Variants in PCDH9 observed in about 807,000 individuals in gnomAD.
PCDH9 encodes the protein protocadherin 9.
A neutral mutation model predicts 70.6 loss-of-function variants in PCDH9; 24 were observed. That is an observed-to-expected ratio of 0.34 (90% CI 0.25 to 0.48). The LOEUF is 0.48. PCDH9 is among the 20% of genes least tolerant of loss of function. The pLI, the probability that PCDH9 is intolerant of heterozygous loss-of-function variation, is 0.99. For synonymous variants in PCDH9, 562 were observed against 558.5 expected (o/e 1.01, Z -0.09); for missense variants, 1,281 against 1,503.6 (o/e 0.85, Z 2.45).
At position 67,226,167 on chromosome 13, in the gene PCDH9, C is replaced by T. The variant is rs1179574495; in HGVS notation, c.2274G>A (p.Leu758=). The change falls in exon 2 of 5, where the codon CTG becomes CTA. Residue 758 remains leucine (L), a synonymous_variant. Transcript: ENST00000377865. The surrounding 1 kb of genome is among the most constrained non-coding windows in gnomAD (Gnocchi z 5.0). ...LHRLVVNISD[L]GYPKSLHTLV... is the part of the protein sequence containing the mutation. ...GCGTGTGCAAAGACTTAGGGTACCCCAGGTCACTTATGTTGACCACCAAAC... is the reference window on the plus strand; with the variant it reads ...GCGTGTGCAAAGACTTAGGGTACCCTAGGTCACTTATGTTGACCACCAAAC... 25 of 1,614,140 alleles carry T rather than the reference C, an allele frequency of 1.5e-5. No individual in the cohort carries two copies. Among genetic ancestry groups the T allele is most frequent in the Non-Finnish European group, 2.1e-5 (25 of 1,180,008 alleles).
intron 3 of PCDH9, among the ~76,000 whole-genome samples, chr13:66,848,717 A>G (rs578152978): frequency 2.6e-5 from 4 of 152,088 alleles, no homozygotes; most frequent in Non-Finnish European, 5.9e-5. Context: ...TCACGAGGTC[A>G]TGAGAGCGAG....
chr13:66,684,843 C>T (rs2078377610), intron 3 of PCDH9, among the ~76,000 whole-genome samples: 1 of 152,014 alleles, frequency 6.6e-6, no homozygotes, highest in African/African-American at 2.4e-5. Context: ...GAGGATGGAA[C>T]AGTTTGCAGG....
chr13:67,063,322 T>C (rs1003495181), intron 2 of PCDH9, among the ~76,000 whole-genome samples: 1 of 152,050 alleles, frequency 6.6e-6, no homozygotes, highest in Admixed American at 6.6e-5. Context: ...AGGGACCATC[T>C]ACCACAAAAA....
rs145127654 is a variant in PCDH9, at chr13:66,629,694, A to C, written c.3340+1516T>G. ...AAGGTATAGGACATGAAATAACAAA[A>C]CCAGAGCTGGCAGGGAGCTTAGATA... On this transcript the variant is annotated intron_variant, in intron 4 of 4. Transcript: ENST00000377865. Among the ~76,000 whole-genome samples, 637 of 152,288 alleles carry C rather than the reference A, an allele frequency of 4.2e-3. 20 individuals are homozygous for C. The East Asian group carries it at 0.081, about 19-fold the overall frequency.
chr13:66,857,224 G>C (rs1000639941), intron 3 of PCDH9, among the ~76,000 whole-genome samples: 2 of 152,110 alleles, frequency 1.3e-5, no homozygotes, highest in African/African-American at 4.8e-5. Context: ...TCTTTGAAGA[G>C]GTCAGAGGCT....
intron 4 of PCDH9, among the ~76,000 whole-genome samples, chr13:66,403,106 G>T (rs895483125): frequency 2.6e-5 from 4 of 151,500 alleles, no homozygotes; most frequent in Non-Finnish European, 5.9e-5. Flanking sequence ...AAAAAAAAAG[G>T]CTCCTAAAGC....
intron 4 of PCDH9, among the ~76,000 whole-genome samples, chr13:66,326,414 C>A (rs958488747): frequency 7.1e-5 from 10 of 141,586 alleles, no homozygotes; most frequent in African/African-American, 2.2e-4. Context: ...AAAAAAAAAA[C>A]AACGAAAACA....
intron 3 of PCDH9, among the ~76,000 whole-genome samples, chr13:66,638,604 TAAC>T (rs2077670635): frequency 1.3e-5 from 2 of 152,236 alleles, no homozygotes; most frequent in East Asian, 1.9e-4. Flanking sequence ...ACAAAAATAT[TAAC>T]AACCTCAAAT....
chr13:66,719,548 C>T (rs1410142354), intron 3 of PCDH9, among the ~76,000 whole-genome samples: 1 of 152,130 alleles, frequency 6.6e-6, no homozygotes, highest in African/African-American at 2.4e-5. Context: ...TGATCTTAGA[C>T]TTCCTGTCTG....
Position 66,738,137 on chromosome 13 carries a change from G to A in PCDH9, c.3139-106726C>T, listed in dbSNP as rs892339626. On this transcript the variant is annotated intron_variant, in intron 3 of 4. Coordinates refer to ENST00000377865, the MANE Select transcript of PCDH9 (RefSeq NM_203487.3). ...GCAGTGGTTCTCCCAGCACGCAGCT[G>A]GAGATCTGAGAACGGGCAGACGGCC... Among the ~76,000 whole-genome samples the A allele has an allele frequency of 2.6e-5, 4 of 152,162 alleles. No homozygotes were observed. In the East Asian group the frequency reaches 5.8e-4, roughly 22 times the overall value.
chr13:67,128,226 G>A (rs1194003907), intron 2 of PCDH9, among the ~76,000 whole-genome samples: 1 of 152,126 alleles, frequency 6.6e-6, no homozygotes, highest in Non-Finnish European at 1.5e-5. Flanking sequence ...CAATTCTCCT[G>A]GAGAAAATGT....
chr13:66,545,286 G>A (rs1334622173), intron 4 of PCDH9, among the ~76,000 whole-genome samples: 1 of 152,082 alleles, frequency 6.6e-6, no homozygotes, highest in Non-Finnish European at 1.5e-5. Context: ...TATACTAAGT[G>A]AGCCAGAATA....
At chr13:66,655,628 CAAAT>C (rs747777958) in intron 3 of PCDH9, among the ~76,000 whole-genome samples, 1 of 151,900 alleles carries the variant, frequency 6.6e-6, no homozygotes, top group Non-Finnish European at 1.5e-5. Context: ...AGTGTTAAGA[CAAAT>C]AAGGCTTAGC....
At chr13:66,853,049 T>C (rs1338122352) in intron 3 of PCDH9, among the ~76,000 whole-genome samples, 2 of 151,970 alleles carry the variant, frequency 1.3e-5, no homozygotes, top group Admixed American at 1.3e-4. Context: ...ATACTCTAAT[T>C]ATTGATGTAA....
intron 4 of PCDH9, among the ~76,000 whole-genome samples, chr13:66,358,419 A>C (rs1236626413): frequency 6.6e-6 from 1 of 152,024 alleles, no homozygotes; most frequent in African/African-American, 2.4e-5. Context: ...AAATCTCGCT[A>C]TATGAGGTAT....
At chr13:67,019,188 C>CTTTTTTTTTT (rs60154161) in intron 2 of PCDH9, among the ~76,000 whole-genome samples, 2 of 102,726 alleles carry the variant, frequency 1.9e-5, no homozygotes, top group Non-Finnish European at 3.6e-5. Context: ...GGCAGTTGCT[C>CTTTTTTTTTT]TTTTTTTTTT....
intron 2 of PCDH9, among the ~76,000 whole-genome samples, chr13:66,911,705 T>C (rs1271023104): frequency 6.6e-6 from 1 of 152,162 alleles, no homozygotes; most frequent in Non-Finnish European, 1.5e-5. Flanking sequence ...CAATAATGCA[T>C]TGAAAGGTTT....
intron 3 of PCDH9, among the ~76,000 whole-genome samples, chr13:66,851,020 T>G (rs749761436): frequency 1.3e-5 from 2 of 152,226 alleles, no homozygotes; most frequent in Non-Finnish European, 2.9e-5. Context: ...AAAGAAATGT[T>G]GAATTAAACC....
rs1594492294 is a variant in PCDH9, at chr13:67,087,108, A to C, written c.3036+138297T>G. Among the ~76,000 whole-genome samples, 3 of 151,694 alleles carry C rather than the reference A, an allele frequency of 2.0e-5. No homozygotes were observed. In the South Asian group the frequency reaches 6.2e-4, roughly 32 times the overall value. Reference sequence around the variant, plus strand: ...TTTGTAAAAAAAAAAAAAAAAAAAAAAATTAAAGGATACAGAACAGTTGTA... The same window carrying C: ...TTTGTAAAAAAAAAAAAAAAAAAAACAATTAAAGGATACAGAACAGTTGTA... On this transcript the variant is annotated intron_variant, in intron 2 of 4. Transcript: ENST00000377865.
Sources: gnomAD v4.1 joint callset for allele counts (sites outside exome capture counted in the v4.1 genomes callset) on GRCh38, gnomAD v4.1.1 for gene constraint, Gnocchi (gnomAD v3.1) non-coding constraint, MANE v1.5 for transcripts, NCBI Gene and HGNC (gene_info 2026-07-23, HGNC 2026-07-21) for gene names.